The following SHISA6 variants were observed in gnomAD, a reference collection of about 807,000 sequenced individuals.
The protein encoded by SHISA6 is shisa family member 6.
Under a neutral mutation model 47.9 loss-of-function variants are expected in SHISA6, and 22 were observed. The ratio of observed to expected loss-of-function variants is 0.46; its 90% confidence interval spans 0.33 to 0.66. The LOEUF (loss-of-function observed/expected upper bound fraction) is 0.66, where lower values mean the gene tolerates loss of function less well. SHISA6 is among the 30% of genes least tolerant of loss of function. The probability of loss-of-function intolerance (pLI) is 0.02; values close to 1 mark genes in which losing one functional copy is unlikely to be tolerated. For synonymous variants in SHISA6, 388 were observed against 337.8 expected, an observed-to-expected ratio of 1.15 and a Z score of -1.63; for missense variants, 680 against 764.6, an observed-to-expected ratio of 0.89 and a Z score of 1.30.
At chr17:11,512,816 A>G (rs2071552186) in intron 3 of SHISA6, among the ~76,000 whole-genome samples, 1 of 152,096 alleles carries the variant, frequency 6.6e-6, no homozygotes, top group Admixed American at 6.5e-5. Context: ...TAAATTTGTT[A>G]ATGATCTACA....
rs1460070578 is a variant in SHISA6 at position 11,563,485 on chromosome 17, G to A, written c.*5181G>A. The A allele has an allele frequency of 2.6e-5, 4 of 152,202 alleles. No individual in the cohort carries two copies. The highest frequency in any genetic ancestry group is 9.6e-5 in the African/African-American group (4 of 41,456). 9.4% of individuals were successfully genotyped at this position (152,202 alleles called of 1,614,324 possible). On this transcript the variant is annotated 3_prime_UTR_variant, in exon 6 of 6. Transcript: ENST00000441885. ...CAGCAAACACATTAACCTTCCATCA[G>A]TCAGAGAAATAATGTTGTGGCTGTG...
chr17:11,534,157 CTTT>C (rs373384700), intron 3 of SHISA6, among the ~76,000 whole-genome samples: 160 of 93,214 alleles, frequency 1.7e-3, no homozygotes, highest in African/African-American at 6.1e-3. Context: ...TCTTTTTTTT[CTTT>C]TTTTTTTTTT....
intron 2 of SHISA6, among the ~76,000 whole-genome samples, chr17:11,268,844 G>C (rs1048087873): frequency 1.3e-5 from 2 of 152,124 alleles, no homozygotes; most frequent in African/African-American, 4.8e-5. Context: ...TACTTGGATG[G>C]GCGTAGGATC....
intron 2 of SHISA6, among the ~76,000 whole-genome samples, chr17:11,280,709 G>T (rs766721484): frequency 2.6e-5 from 4 of 152,194 alleles, no homozygotes; most frequent in Non-Finnish European, 5.9e-5. Flanking sequence ...GACCAAGATA[G>T]GAATGGGTTG....
rs1249967306 is a variant in SHISA6 at position 11,561,607 on chromosome 17, CCT to C, written c.*3306_*3307del. On this transcript the variant is annotated 3_prime_UTR_variant, in exon 6 of 6. Coordinates refer to ENST00000441885, the MANE Select transcript of SHISA6 (RefSeq NM_207386.4). ...TGCCCCCAATTCAAATTTCTCCTCC[CCT>C]CTTTCCACTCTCCCTCCCAGAAACT... The C allele has an allele frequency of 6.6e-6, 1 of 152,278 alleles. No individual in the cohort carries two copies. The highest frequency in any genetic ancestry group is 2.4e-5 in the African/African-American group (1 of 41,454). 9.4% of individuals were successfully genotyped at this position (152,278 alleles called of 1,614,324 possible). A position where few individuals can be genotyped will look rare whatever the true frequency, so the allele number is the denominator to read the frequency against.
At chr17:11,473,804 A>G (rs889207119) in intron 3 of SHISA6, among the ~76,000 whole-genome samples, 1 of 151,994 alleles carries the variant, frequency 6.6e-6, no homozygotes, top group Non-Finnish European at 1.5e-5. Flanking sequence ...GGTTTGTTAC[A>G]TAGGTATACA....
At chr17:11,400,070 A>C (rs1046936374) in intron 3 of SHISA6, among the ~76,000 whole-genome samples, 5 of 151,762 alleles carry the variant, frequency 3.3e-5, no homozygotes, top group Non-Finnish European at 7.4e-5. Context: ...TCCTTCCATC[A>C]CTCCACAAAT....
intron 3 of SHISA6, among the ~76,000 whole-genome samples, chr17:11,526,559 T>C (rs1224606144): frequency 6.6e-6 from 1 of 152,106 alleles, no homozygotes; most frequent in Admixed American, 6.5e-5. Flanking sequence ...ATGCCCACAC[T>C]CTGAATGATA....
intron 3 of SHISA6, among the ~76,000 whole-genome samples, chr17:11,503,889 G>A (rs2071476187): frequency 6.6e-6 from 1 of 152,184 alleles, no homozygotes; most frequent in Non-Finnish European, 1.5e-5. Context: ...CTATGTACAA[G>A]TGTGTTAATG....
At chr17:11,255,585 C>G (rs2142140304) in intron 1 of SHISA6, among the ~76,000 whole-genome samples, 1 of 152,346 alleles carries the variant, frequency 6.6e-6, no homozygotes, top group African/African-American at 2.4e-5. Flanking sequence ...GGAACAGGCT[C>G]TCTTTGCCTT....
rs1913287435 is a variant in SHISA6 at position 11,388,815 on chromosome 17, TATATATATATATATATATATA to T, written c.895+9307_895+9327del. Among the ~76,000 whole-genome samples the T allele has an allele frequency of 2.6e-4, 27 of 102,442 alleles. No individual in the cohort carries two copies. The East Asian group carries it at 4.1e-3, about 16-fold the overall frequency. The allele number at this position is 102,442 out of a possible 152,430, so 67.2% of individuals were successfully genotyped here. The stretch of plus-strand genomic sequence containing the variant: ...TTATATATATATATATATATATATA[TATATATATATATATATATATA>T]TATATTTTAAAAAAGGTAAAAAAAA... On this transcript the variant is annotated intron_variant, in intron 3 of 5. Transcript: ENST00000441885.
chr17:11,421,419 AT>A (rs1440920517), intron 3 of SHISA6, among the ~76,000 whole-genome samples: 3 of 152,340 alleles, frequency 2.0e-5, no homozygotes, highest in Admixed American at 2.0e-4. Context: ...AGTTTATTAT[AT>A]AAACCAAATA....
intron 2 of SHISA6, among the ~76,000 whole-genome samples, chr17:11,356,708 C>T (rs1356568002): frequency 6.6e-6 from 1 of 152,140 alleles, no homozygotes; most frequent in African/African-American, 2.4e-5. Context: ...CCAGCCCTCC[C>T]CTCTATAACC....
At chr17:11,519,828 C>A (rs1261082660) in intron 3 of SHISA6, among the ~76,000 whole-genome samples, 2 of 152,108 alleles carry the variant, frequency 1.3e-5, no homozygotes, top group Non-Finnish European at 2.9e-5. Flanking sequence ...TAAATACCTT[C>A]TTTCTTTCCT....
intron 2 of SHISA6, among the ~76,000 whole-genome samples, chr17:11,347,822 G>A (rs1431203040): frequency 6.6e-6 from 1 of 152,150 alleles, no homozygotes; most frequent in Non-Finnish European, 1.5e-5. Flanking sequence ...GCCCTGCTGA[G>A]GTGACAGCTG....
At chr17:11,485,661 A>G (rs1446267158) in intron 3 of SHISA6, among the ~76,000 whole-genome samples, 1 of 143,834 alleles carries the variant, frequency 7.0e-6, no homozygotes, top group African/African-American at 2.6e-5. Flanking sequence ...CTACGAGAAC[A>G]TGAGGATTGG....
intron 2 of SHISA6, chr17:11,290,678 T>G (rs556233483): frequency 6.6e-6 from 1 of 152,204 alleles, no homozygotes; most frequent in Non-Finnish European, 1.5e-5. Context: ...TATATATTTA[T>G]TTTTGTTCTC....
At chr17:11,331,205 C>T (rs1050311370) in intron 2 of SHISA6, among the ~76,000 whole-genome samples, 10 of 152,114 alleles carry the variant, frequency 6.6e-5, no homozygotes, top group African/African-American at 2.4e-4. Context: ...GGAGGGATTT[C>T]AAAATGCATT....
intron 2 of SHISA6, among the ~76,000 whole-genome samples, chr17:11,327,859 C>A (rs1167364942): frequency 6.6e-6 from 1 of 152,066 alleles, no homozygotes; most frequent in Non-Finnish European, 1.5e-5. Context: ...GTTTAAACTG[C>A]TGACAAAAGG....
Sources: gnomAD v4.1 joint callset for allele counts (sites outside exome capture counted in the v4.1 genomes callset) on GRCh38, gnomAD v4.1.1 for gene constraint, MANE v1.5 for transcripts, NCBI Gene and HGNC (gene_info 2026-07-23, HGNC 2026-07-21) for gene names.